CACNA1D: variants seen among roughly 807,000 people sequenced by gnomAD.
CACNA1D encodes calcium voltage-gated channel subunit alpha1 D.
CACNA1D carries 55 observed loss-of-function variants against 257.1 expected under a neutral mutation model. That is an observed-to-expected ratio of 0.21 (90% CI 0.17 to 0.27). The LOEUF (loss-of-function observed/expected upper bound fraction) is 0.27. Ranked by LOEUF, CACNA1D falls within the 10% of genes least tolerant of loss-of-function variation. The pLI is 1.00. For synonymous variants in CACNA1D, 980 were observed against 1,014.9 expected (o/e 0.97, Z 0.65); for missense variants, 1,876 against 2,784.0 (o/e 0.67, Z 7.34).
intron 40 of CACNA1D, chr3:53,799,938 G>C (rs1693235292): frequency 2.4e-6 from 1 of 422,650 alleles, no homozygotes; most frequent in Admixed American, 3.5e-5. Flanking sequence ...TGAGACAGGG[G>C]CATAAGCTCT....
intron 9 of CACNA1D, among the ~76,000 whole-genome samples, chr3:53,714,481 C>T (rs978767629): frequency 2.0e-5 from 3 of 152,178 alleles, no homozygotes; most frequent in Non-Finnish European, 4.4e-5. Context: ...AAAGCCCAGT[C>T]GTCACCATTG....
intron 3 of CACNA1D, among the ~76,000 whole-genome samples, chr3:53,628,979 A>G (rs1215416313): frequency 6.6e-6 from 1 of 152,212 alleles, no homozygotes; most frequent in Non-Finnish European, 1.5e-5. Context: ...CTATCTCATG[A>G]GCACTACAGG....
chr3:53,745,380 A>G (rs2095158447), intron 23 of CACNA1D, among the ~76,000 whole-genome samples: 1 of 151,934 alleles, frequency 6.6e-6, no homozygotes. Flanking sequence ...AGCTGGGATT[A>G]CAGGTGCACA....
intron 6 of CACNA1D, among the ~76,000 whole-genome samples, 159 bp downstream of exon 6, chr3:53,665,971 G>A (rs2680665): frequency 7.7e-4 from 117 of 152,230 alleles, no homozygotes; most frequent in African/African-American, 2.7e-3. Flanking sequence ...GCTATGTTCA[G>A]AATAGATGAG....
At chr3:53,601,956 C>A (rs1227683269) in intron 3 of CACNA1D, among the ~76,000 whole-genome samples, 2 of 152,192 alleles carry the variant, frequency 1.3e-5, no homozygotes, top group Non-Finnish European at 2.9e-5. Flanking sequence ...GGTAATCGGC[C>A]CGCCTCAGCC....
chr3:53,574,423 G>A (rs1220146801), intron 3 of CACNA1D, among the ~76,000 whole-genome samples: 1 of 152,140 alleles, frequency 6.6e-6, no homozygotes, highest in African/African-American at 2.4e-5. Flanking sequence ...TCCATTGATG[G>A]CAGGGAAGTG....
In CACNA1D at chr3:53,731,136, G is replaced by A. The variant is rs1326622095; in HGVS notation, c.2396G>A (p.Ser799Asn). The A allele has an allele frequency of 1.2e-6, 2 of 1,606,624 alleles. No homozygotes were observed. The highest frequency in any genetic ancestry group is 1.1e-5 in the South Asian group (1 of 90,900). Residue 799 changes from serine (S) to asparagine (N), a missense_variant, in exon 17 of 48, where the codon AGT (serine) becomes AAT (asparagine). By Grantham distance (46) the Ser-to-Asn change is conservative. Around this residue, in one of 10 missense-constraint regions of CACNA1D, gnomAD observed 78 missense variants for 69.2 expected, o/e 1.13. Transcript: ENST00000350061. ...CCAGAAGTCAACCAGATAGCCAACA[G>A]TGACAACAAGGTATGTATTCTAAGA... ...NKPEVNQIAN[S>N]DNKVTIDDYR...
At chr3:53,605,340 A>G (rs987198709) in intron 3 of CACNA1D, among the ~76,000 whole-genome samples, 1 of 152,192 alleles carries the variant, frequency 6.6e-6, no homozygotes, top group African/African-American at 2.4e-5. Context: ...TCATCTTTCC[A>G]GGAATGTGTA....
At chr3:53,796,377 A>G (rs2095507775) in intron 40 of CACNA1D, 1 of 456,122 alleles carries the variant, frequency 2.2e-6, no homozygotes, top group East Asian at 7.0e-5. Context: ...AGAGACATGC[A>G]TCTCTTATCT....
intron 3 of CACNA1D, among the ~76,000 whole-genome samples, chr3:53,532,175 C>T (rs2091973158): frequency 2.0e-5 from 3 of 152,118 alleles, no homozygotes; most frequent in Non-Finnish European, 4.4e-5. Context: ...GAAGACTAGT[C>T]CTGTTATAAC....
intron 3 of CACNA1D, among the ~76,000 whole-genome samples, chr3:53,608,959 T>C (rs1401861084): frequency 6.6e-6 from 1 of 152,204 alleles, no homozygotes; most frequent in Non-Finnish European, 1.5e-5. Flanking sequence ...AAATGTCTGG[T>C]ATTGTTGGCT....
intron 2 of CACNA1D, among the ~76,000 whole-genome samples, 169 bp from the exon 3 acceptor site, chr3:53,501,446 C>T (rs929443138): frequency 1.3e-5 from 2 of 152,252 alleles, no homozygotes; most frequent in Admixed American, 6.5e-5. Flanking sequence ...AGATGACCAC[C>T]GATGATTACT....
At position 53,809,884 on chromosome 3, in the gene CACNA1D, C is replaced by T. The variant is rs1443663720; in HGVS notation, c.5872-94C>T. ...AAGTCCTTGCCTGGACTGCCCCTGG[C>T]GAGCGCAGCGCCGGTGCTTGGTCTG... On this transcript the variant is annotated intron_variant, in intron 46 of 47. Coordinates refer to ENST00000350061, the MANE Select transcript of CACNA1D (RefSeq NM_001128840.3). 2.6e-5 allele frequency: 30 copies of T among 1,164,794 alleles called. 1 individual carries two copies. Among genetic ancestry groups the T allele is most frequent in the South Asian group, 9.8e-5 (8 of 81,712 alleles). The allele number at this position is 1,164,794 out of a possible 1,614,324, so 72.2% of individuals were successfully genotyped here. A position where few individuals can be genotyped will look rare whatever the true frequency, so the allele number is the denominator to read the frequency against.
At chr3:53,499,594 A>T (rs185911297) in intron 2 of CACNA1D, among the ~76,000 whole-genome samples, 1 of 152,288 alleles carries the variant, frequency 6.6e-6, no homozygotes, top group East Asian at 1.9e-4. Flanking sequence ...GTGAGATGGT[A>T]TCCACTTGTA....
At chr3:53,687,206 T>C (rs932871180) in intron 8 of CACNA1D, among the ~76,000 whole-genome samples, 1 of 152,118 alleles carries the variant, frequency 6.6e-6, no homozygotes, top group East Asian at 1.9e-4. Context: ...TCCATTTTTC[T>C]CTATGCATTG....
intron 8 of CACNA1D, among the ~76,000 whole-genome samples, chr3:53,694,956 A>G (rs1299920440): frequency 6.6e-6 from 1 of 152,062 alleles, no homozygotes. Context: ...TATTCCATCT[A>G]AAGGTCTTTT....
At chr3:53,713,502 ATGTGTGTGTGTGTGTGTGTGTG>A (rs35655186) in intron 9 of CACNA1D, among the ~76,000 whole-genome samples, 2 of 129,372 alleles carry the variant, frequency 1.5e-5, no homozygotes, top group Non-Finnish European at 3.2e-5. Flanking sequence ...CTCTGTGTGT[ATGTGTGTGTGTGTGTGTGTGTG>A]TGTGTGTGTG....
At chr3:53,514,765 A>G (rs150081274) in intron 3 of CACNA1D, among the ~76,000 whole-genome samples, 1 of 152,116 alleles carries the variant, frequency 6.6e-6, no homozygotes, top group Admixed American at 6.5e-5. Context: ...AGCTGGCTGG[A>G]TGGAGGATTG....
chr3:53,779,943 T>C, intron 37 of CACNA1D, 83 bp from the exon 38 acceptor site: 1 of 987,590 alleles, frequency 1.0e-6, no homozygotes, highest in Non-Finnish European at 1.6e-6. Context: ...AGATGAGTGA[T>C]AAACGGAAAA....
Sources: gnomAD v4.1 joint callset for allele counts (sites outside exome capture counted in the v4.1 genomes callset) on GRCh38, gnomAD v4.1.1 for gene constraint, gnomAD v4.1.1 regional missense constraint, MANE v1.5 for transcripts, NCBI Gene and HGNC (gene_info 2026-07-23, HGNC 2026-07-21) for gene names.